Variants in ADAM22 observed in about 807,000 individuals in gnomAD.
ADAM22 encodes the protein ADAM metallopeptidase domain 22, also known as disintegrin and metalloproteinase domain-containing protein 22.
Under a neutral mutation model 144.6 loss-of-function variants are expected in ADAM22, and 65 were observed. The ratio of observed to expected loss-of-function variants is 0.45; its 90% CI spans 0.37 to 0.55. ADAM22 has a LOEUF of 0.55. Among genes scored for constraint, ADAM22 ranks in the 20% least tolerant of loss-of-function variants. The pLI is 0.00. For synonymous variants in ADAM22, 391 were observed against 412.6 expected, an observed-to-expected ratio of 0.95 and a Z score of 0.63; for missense variants, 974 against 1,184.9, an observed-to-expected ratio of 0.82 and a Z score of 2.61.
intron 8 of ADAM22, among the ~76,000 whole-genome samples, chr7:88,128,269 C>T (rs980112718): frequency 1.3e-5 from 2 of 152,004 alleles, no homozygotes; most frequent in African/African-American, 4.8e-5. Context: ...AAATAAAGGA[C>T]ATATTCACAT....
intron 3 of ADAM22, among the ~76,000 whole-genome samples, chr7:88,056,846 A>G (rs1057344485): frequency 1.3e-5 from 2 of 152,208 alleles, no homozygotes; most frequent in Non-Finnish European, 2.9e-5. Context: ...AGCTCTGAAA[A>G]TATAGAAACT....
In ADAM22 at chr7:88,134,277, G is replaced by T. The variant is rs1210055866; in HGVS notation, c.1078-52G>T. 7 of 1,371,472 alleles carry T rather than the reference G, an allele frequency of 5.1e-6. No individual in the cohort carries two copies. The African/African-American group carries it at 7.3e-5, about 14-fold the overall frequency. The allele number at this position is 1,371,472 out of a possible 1,614,324, so 85.0% of individuals were successfully genotyped here. On this transcript the variant is annotated intron_variant, in intron 12 of 31. Transcript: ENST00000413139. ...TTGTGACATTTTTCTCTGGTTCTTT[G>T]TCAGTGACAATTTGGATTTACATAT...
At chr7:88,116,855 T>G in intron 7 of ADAM22, 41 bp downstream of exon 7, 2 of 1,423,102 alleles carry the variant, frequency 1.4e-6, no homozygotes, top group Non-Finnish European at 2.0e-6. Flanking sequence ...AAAAGACAAC[T>G]TCAGTAATTT....
chr7:87,964,274 A>G (rs1475441382), intron 2 of ADAM22, among the ~76,000 whole-genome samples: 2 of 152,244 alleles, frequency 1.3e-5, no homozygotes, highest in Admixed American at 6.5e-5. Context: ...ACACACAAGC[A>G]CTGTTGGATG....
intron 3 of ADAM22, among the ~76,000 whole-genome samples, chr7:88,018,675 C>CT (rs1343314718): frequency 1.3e-5 from 2 of 152,158 alleles, no homozygotes; most frequent in Non-Finnish European, 1.5e-5. Context: ...TGAACTCACT[C>CT]TTTAAGATTC....
chr7:88,080,012 A>G (rs1460769272), intron 4 of ADAM22, among the ~76,000 whole-genome samples: 2 of 152,242 alleles, frequency 1.3e-5, no homozygotes, highest in African/African-American at 4.8e-5. Flanking sequence ...AGACATCTAC[A>G]GAACTCTCCA....
chr7:87,973,550 A>G (rs1172921516), intron 2 of ADAM22, among the ~76,000 whole-genome samples: 2 of 152,060 alleles, frequency 1.3e-5, no homozygotes, highest in African/African-American at 2.4e-5. Context: ...GGGATCTAGA[A>G]CTAGAAATAC....
chr7:88,085,942 C>T (rs372561488), intron 4 of ADAM22, among the ~76,000 whole-genome samples: 2 of 152,048 alleles, frequency 1.3e-5, no homozygotes, highest in Non-Finnish European at 2.9e-5. Flanking sequence ...TTTGGGAGGC[C>T]GAAGCAGGGG....
chr7:88,177,800 A>G (rs1846042915), intron 26 of ADAM22, among the ~76,000 whole-genome samples: 1 of 152,230 alleles, frequency 6.6e-6, no homozygotes, highest in Non-Finnish European at 1.5e-5. Flanking sequence ...TAAATTCAGC[A>G]TCAGCAAATA....
chr7:88,065,564 A>G (rs917018356), intron 3 of ADAM22, among the ~76,000 whole-genome samples: 1 of 152,050 alleles, frequency 6.6e-6, no homozygotes. Context: ...TTCATAATGT[A>G]TGCCTGTTGT....
intron 3 of ADAM22, among the ~76,000 whole-genome samples, chr7:87,999,112 G>A (rs1446610585): frequency 6.6e-6 from 1 of 152,194 alleles, no homozygotes; most frequent in East Asian, 1.9e-4. Flanking sequence ...AAAATACTGT[G>A]AAGTGGTACA....
chr7:88,142,991 T>A, intron 14 of ADAM22, 35 bp from the exon 15 acceptor site: 1 of 1,354,688 alleles, frequency 7.4e-7, no homozygotes. Context: ...GAAAGATGAG[T>A]TGAACCCAGC....
intron 3 of ADAM22, among the ~76,000 whole-genome samples, chr7:87,998,128 C>T (rs749175432): frequency 9.2e-5 from 14 of 152,154 alleles, no homozygotes; most frequent in Non-Finnish European, 1.8e-4. Flanking sequence ...GAAGACTTAG[C>T]CAGTCTAGTC....
chr7:87,953,070 T>C (rs575923709), intron 2 of ADAM22, among the ~76,000 whole-genome samples: 1 of 152,162 alleles, frequency 6.6e-6, no homozygotes, highest in Non-Finnish European at 1.5e-5. Flanking sequence ...TCAATTTTGT[T>C]GATCCTTTCA....
intron 22 of ADAM22, among the ~76,000 whole-genome samples, chr7:88,162,333 G>C (rs1482778081): frequency 6.6e-6 from 1 of 152,076 alleles, no homozygotes; most frequent in African/African-American, 2.4e-5. Context: ...GGACCTATTT[G>C]AGGGATGTGA....
At chr7:88,100,490 A>G (rs1046198842) in intron 4 of ADAM22, among the ~76,000 whole-genome samples, 3 of 152,200 alleles carry the variant, frequency 2.0e-5, no homozygotes, top group East Asian at 1.9e-4. Context: ...AGAATCAATT[A>G]TACTCTGTAC....
chr7:87,945,680 T>C (rs982564699), intron 2 of ADAM22, among the ~76,000 whole-genome samples: 1 of 151,260 alleles, frequency 6.6e-6, no homozygotes, highest in Non-Finnish European at 1.5e-5. Context: ...ACCCAGCTAA[T>C]TTTTTGTATT....
At chr7:88,186,308 T>TG in intron 29 of ADAM22, 1 of 298,726 alleles carries the variant, frequency 3.3e-6, no homozygotes, top group South Asian at 4.7e-5. Context: ...TAGAGGTGGG[T>TG]GAATGGGACT....
intron 26 of ADAM22, among the ~76,000 whole-genome samples, chr7:88,177,943 C>T (rs2129536996): frequency 1.3e-5 from 2 of 152,218 alleles, no homozygotes; most frequent in East Asian, 1.9e-4. Flanking sequence ...TTTGTGGCAC[C>T]TCCAACAATA....
Sources: gnomAD v4.1 joint callset for allele counts (sites outside exome capture counted in the v4.1 genomes callset) on GRCh38, gnomAD v4.1.1 for gene constraint, MANE v1.5 for transcripts, NCBI Gene and HGNC (gene_info 2026-07-23, HGNC 2026-07-21) for gene names.